Variants in TP73 observed in about 807,000 individuals in gnomAD.
The protein encoded by TP73 is p53-like transcription factor.
TP73 carries 25 observed loss-of-function variants against 62.5 expected under a neutral mutation model. The ratio of observed to expected loss-of-function variants is 0.40; its 90% CI spans 0.29 to 0.56. TP73 has a LOEUF of 0.56. Ranked by LOEUF, TP73 falls within the 20% of genes least tolerant of loss-of-function variation. TP73 has a pLI of 0.46. For synonymous variants in TP73, 423 were observed against 377.5 expected (o/e 1.12, Z -1.40); for missense variants, 754 against 913.3 (o/e 0.83, Z 2.25).
In TP73 at chr1:3,723,441, G is replaced by A; in HGVS notation, c.704G>A (p.Ser235Asn). The A allele has an allele frequency of 1.9e-6, 3 of 1,612,436 alleles. No individual in the cohort carries two copies. The highest frequency in any genetic ancestry group is 1.1e-5 in the South Asian group (1 of 91,064). ...GATGACCCTGTCACCGGCAGGCAGA[G>A]CGTCGTGGTGCCCTATGAGCCACCA... ...YVDDPVTGRQ[S>N]VVVPYEPPQV... is the part of the protein sequence containing the mutation. Residue 235 changes from serine to asparagine, a missense_variant, in exon 6 of 14, where the codon AGC becomes AAC. Ser to Asn is a conservative substitution (Grantham distance 46). Transcript: ENST00000378295.
intron 3 of TP73, among the ~76,000 whole-genome samples, chr1:3,698,571 C>A (rs1468704975): frequency 5.3e-5 from 8 of 152,066 alleles, no homozygotes; most frequent in Admixed American, 5.2e-4. Context: ...ATCCGGGAGG[C>A]AGGGGGCAGA....
At chr1:3,687,882 A>C (rs1645704482) in intron 3 of TP73, among the ~76,000 whole-genome samples, 2 of 152,156 alleles carry the variant, frequency 1.3e-5, no homozygotes, top group Non-Finnish European at 2.9e-5. Context: ...CCGGGAACCC[A>C]GTGGCAGGAC....
chr1:3,688,094 G>A (rs1645710455), intron 3 of TP73, among the ~76,000 whole-genome samples: 1 of 152,154 alleles, frequency 6.6e-6, no homozygotes. Context: ...GGGAGGATCT[G>A]TAGCTGGAGG....
chr1:3,716,015 T>A (rs1165472417), intron 4 of TP73, among the ~76,000 whole-genome samples: 1 of 152,182 alleles, frequency 6.6e-6, no homozygotes, highest in African/African-American at 2.4e-5. Context: ...TGGCTCCTGC[T>A]CACCTGTTTA....
In TP73 at chr1:3,683,129, G is replaced by A. The variant is rs751836786; in HGVS notation, c.135G>A (p.Thr45=). ...SRGNNEVVGG[T]DSSMDVFHLE... ...GGAATAATGAGGTGGTGGGCGGAACGGATTCCAGCATGGACGTCTTCCACC... is the reference window on the plus strand; with the variant it reads ...GGAATAATGAGGTGGTGGGCGGAACAGATTCCAGCATGGACGTCTTCCACC... Residue 45 remains threonine (T), a synonymous_variant, in exon 3 of 14, where the codon ACG becomes ACA. Coordinates refer to ENST00000378295, the MANE Select transcript of TP73 (RefSeq NM_005427.4). The A allele has an allele frequency of 3.0e-5, 48 of 1,612,546 alleles. No homozygotes were observed. Among genetic ancestry groups the A allele is most frequent in the South Asian group, 1.5e-4 (14 of 91,046 alleles).
At chr1:3,730,273 C>A (rs749894043) in intron 11 of TP73, 125 bp downstream of exon 11, 24 of 1,155,774 alleles carry the variant, frequency 2.1e-5, no homozygotes, top group Non-Finnish European at 2.6e-5. Context: ...CTCCTTCCAG[C>A]GGTTCCACCC....
intron 4 of TP73, among the ~76,000 whole-genome samples, chr1:3,716,183 GAT>G (rs1640580409): frequency 6.6e-6 from 1 of 152,224 alleles, no homozygotes; most frequent in South Asian, 2.1e-4. Flanking sequence ...ATCTGCAGAG[GAT>G]GTTTCTGCCT....
Position 3,696,484 on chromosome 1 carries a change from G to A in TP73, c.187-11065G>A, listed in dbSNP as rs902521819. On this transcript the variant is annotated intron_variant, in intron 3 of 13. Coordinates refer to ENST00000378295, the MANE Select transcript of TP73 (RefSeq NM_005427.4). This position sits in a 1 kb window ranked among gnomAD's most constrained non-coding sequence, Gnocchi z 4.1. ...AGTCAGGGCTCTGGGGGATCTGCACGGAGGCAGGGAGAGACAGCGGCTGGA... is the reference window on the plus strand; with the variant it reads ...AGTCAGGGCTCTGGGGGATCTGCACAGAGGCAGGGAGAGACAGCGGCTGGA... 2.0e-5 allele frequency among the ~76,000 whole-genome samples: 3 copies of A among 151,894 alleles called. No homozygotes were observed. The highest frequency in any genetic ancestry group is 2.4e-5 in the African/African-American group (1 of 41,310).
At chr1:3,677,292 G>A (rs1645395178) in intron 1 of TP73, among the ~76,000 whole-genome samples, 2 of 152,148 alleles carry the variant, frequency 1.3e-5, no homozygotes, top group Non-Finnish European at 2.9e-5. Context: ...GTCTGGGTTT[G>A]CCGGAGGGCC....
chr1:3,678,112 C>T (rs1212765470), intron 1 of TP73, among the ~76,000 whole-genome samples: 1 of 152,232 alleles, frequency 6.6e-6, no homozygotes, highest in Admixed American at 6.5e-5. Context: ...AAATTGGTCT[C>T]CTTTCCCCAT....
chr1:3,729,857 C>T (rs1297144230), intron 10 of TP73, 143 bp from the exon 11 acceptor site: 2 of 1,230,186 alleles, frequency 1.6e-6, no homozygotes, highest in Non-Finnish European at 2.2e-6. Flanking sequence ...TGGTTGGGGA[C>T]AGGGAGGCTG....
intron 3 of TP73, chr1:3,690,582 T>A: frequency 1.6e-6 from 2 of 1,229,710 alleles, no homozygotes; most frequent in Non-Finnish European, 2.1e-6. Flanking sequence ...CTTGGTGCGG[T>A]CCAACACATC....
At chr1:3,671,358 C>T (rs1645236606) in intron 1 of TP73, among the ~76,000 whole-genome samples, 1 of 152,212 alleles carries the variant, frequency 6.6e-6, no homozygotes, top group Admixed American at 6.5e-5. Flanking sequence ...CTGCCTCTCC[C>T]TGACCTACTG....
chr1:3,702,575 G>A (rs1049997608), intron 3 of TP73, among the ~76,000 whole-genome samples: 1 of 152,222 alleles, frequency 6.6e-6, no homozygotes, highest in African/African-American at 2.4e-5. Flanking sequence ...CCTCCTGGGT[G>A]GGTGCGTGGG....
intron 3 of TP73, among the ~76,000 whole-genome samples, chr1:3,702,498 G>A (rs986342823): frequency 6.6e-6 from 1 of 152,130 alleles, no homozygotes; most frequent in African/African-American, 2.4e-5. Context: ...CCCCAGCCCA[G>A]AGCTAATCTC....
rs962245058 is a variant in TP73, at chr1:3,734,715, T to C, written c.*1636T>C. 3 of 152,426 alleles carry C rather than the reference T, an allele frequency of 2.0e-5. No individual in the cohort carries two copies. Among genetic ancestry groups the C allele is most frequent in the South Asian group, 2.1e-4 (1 of 4,832 alleles). 9.4% of individuals were successfully genotyped at this position (152,426 alleles called of 1,614,324 possible). On this transcript the variant is annotated 3_prime_UTR_variant, in exon 14 of 14. Coordinates refer to ENST00000378295, the MANE Select transcript of TP73 (RefSeq NM_005427.4). The surrounding 1 kb of genome is among the most constrained non-coding windows in gnomAD (Gnocchi z 4.4). Reference sequence around the variant, plus strand: ...CCTCCCCTTATTTAAAAGCAGCGACTGGTGTTGCCGCAGGTACCTGGTCTA... The same window carrying C: ...CCTCCCCTTATTTAAAAGCAGCGACCGGTGTTGCCGCAGGTACCTGGTCTA...
chr1:3,657,072 T>C (rs1330010736), intron 1 of TP73, among the ~76,000 whole-genome samples: 1 of 152,230 alleles, frequency 6.6e-6, no homozygotes, highest in Non-Finnish European at 1.5e-5. Flanking sequence ...TATGATCACC[T>C]CCCAGTTTTG....
chr1:3,707,593 C>T lies in TP73; in HGVS notation c.231C>T (p.Ser77=), dbSNP rs1353759920. Residue 77 remains serine, a synonymous_variant, in exon 4 of 14, where the codon AGC becomes AGT. Transcript: ENST00000378295. ...LLSSTMDQMS[S]RAASASPYTP... ...GCAGCACCATGGACCAGATGAGCAG[C>T]CGCGCGGCCTCGGCCAGCCCCTACA... is the stretch of plus-strand genomic sequence containing the variant. 6.2e-7 allele frequency: 1 copy of T among 1,612,434 alleles called. No individual in the cohort carries two copies. The highest frequency in any genetic ancestry group is 1.1e-5 in the South Asian group (1 of 91,020).
At chr1:3,713,210 GA>G (rs1417031610) in intron 4 of TP73, among the ~76,000 whole-genome samples, 1 of 152,238 alleles carries the variant, frequency 6.6e-6, no homozygotes, top group East Asian at 1.9e-4. Context: ...GTTGACAAAG[GA>G]AAATCCCTCA....
Sources: gnomAD v4.1 joint callset for allele counts (sites outside exome capture counted in the v4.1 genomes callset) on GRCh38, gnomAD v4.1.1 for gene constraint, Gnocchi (gnomAD v3.1) non-coding constraint, MANE v1.5 for transcripts, NCBI Gene and HGNC (gene_info 2026-07-23, HGNC 2026-07-21) for gene names.